The following SEMA5A variants were observed in gnomAD, a reference collection of about 807,000 sequenced individuals.
The protein encoded by SEMA5A is semaphorin-5A.
In SEMA5A, 55 loss-of-function variants were observed where a neutral mutation model predicts 135.5. The observed-to-expected ratio is 0.41, with a 90% CI of 0.33 to 0.51. The LOEUF (loss-of-function observed/expected upper bound fraction) is 0.51. SEMA5A is among the 20% of genes least tolerant of loss of function. The pLI, the probability that SEMA5A is intolerant of heterozygous loss-of-function variation, is 0.37. For synonymous variants in SEMA5A, 580 were observed against 546.5 expected (o/e 1.06, Z -0.85); for missense variants, 1,290 against 1,419.9 (o/e 0.91, Z 1.47).
intron 2 of SEMA5A, among the ~76,000 whole-genome samples, chr5:9,418,930 T>TC (rs1158250380): frequency 6.6e-6 from 1 of 152,236 alleles, no homozygotes; most frequent in Admixed American, 6.5e-5. Flanking sequence ...CTTTCCTAGT[T>TC]CCTTTAGGTA....
At chr5:9,125,258 T>C (rs952284480) in intron 13 of SEMA5A, among the ~76,000 whole-genome samples, 10 of 152,218 alleles carry the variant, frequency 6.6e-5, no homozygotes, top group Non-Finnish European at 1.5e-4. Context: ...CTTCCATACC[T>C]GGCTATCTAT....
At chr5:9,335,163 A>G (rs1011724918) in intron 4 of SEMA5A, among the ~76,000 whole-genome samples, 2 of 152,110 alleles carry the variant, frequency 1.3e-5, no homozygotes, top group Admixed American at 6.5e-5. Flanking sequence ...AAACTAGAAG[A>G]CACAGAGATA....
chr5:9,113,017 C>T (rs1053657192), intron 15 of SEMA5A, among the ~76,000 whole-genome samples: 1 of 152,304 alleles, frequency 6.6e-6, no homozygotes, highest in Admixed American at 6.5e-5. Context: ...GAAATGAAGG[C>T]TGCCAACAAC....
At chr5:9,333,546 T>G (rs1236338136) in intron 4 of SEMA5A, among the ~76,000 whole-genome samples, 1 of 152,262 alleles carries the variant, frequency 6.6e-6, no homozygotes, top group Non-Finnish European at 1.5e-5. Context: ...TTGTATCTGT[T>G]GCAACAATTC....
At chr5:9,044,241 G>T in intron 22 of SEMA5A, 132 bp downstream of exon 22, 1 of 761,278 alleles carries the variant, frequency 1.3e-6, no homozygotes, top group Non-Finnish European at 2.2e-6. Flanking sequence ...GACTAAAGAT[G>T]TTTCTTATTC....
At chr5:9,536,608 G>A (rs268554) in intron 1 of SEMA5A, among the ~76,000 whole-genome samples, 21,942 of 136,180 alleles carry the variant, frequency 0.16, 1,685 homozygotes, top group Middle Eastern at 0.24. Flanking sequence ...ACAAGACTCC[G>A]TCTCAAAAAA....
At chr5:9,107,291 GA>G (rs1039071135) in intron 16 of SEMA5A, among the ~76,000 whole-genome samples, 1 of 151,904 alleles carries the variant, frequency 6.6e-6, no homozygotes, top group African/African-American at 2.4e-5. Flanking sequence ...CAAGTCTTTT[GA>G]AAAGAGCTTG....
chr5:9,151,233 T>C (rs887843000), intron 12 of SEMA5A, among the ~76,000 whole-genome samples: 5 of 152,210 alleles, frequency 3.3e-5, no homozygotes, highest in African/African-American at 4.8e-5. Context: ...ATAAATGTCA[T>C]TGTGCATTGT....
chr5:9,229,474 T>C (rs1003268513), intron 6 of SEMA5A, among the ~76,000 whole-genome samples: 13 of 151,976 alleles, frequency 8.6e-5, no homozygotes, highest in Admixed American at 5.2e-4. Flanking sequence ...CGGGAGCCTA[T>C]AAAGGCAGGC....
At chr5:9,083,416 T>C (rs1119087) in intron 16 of SEMA5A, among the ~76,000 whole-genome samples, 7,247 of 152,296 alleles carry the variant, frequency 0.048, 579 homozygotes, top group African/African-American at 0.17. Context: ...AGATTCTTAT[T>C]ACTGCATGAA....
At chr5:9,298,307 T>C (rs944053355) in intron 5 of SEMA5A, among the ~76,000 whole-genome samples, 3 of 152,100 alleles carry the variant, frequency 2.0e-5, no homozygotes, top group Non-Finnish European at 4.4e-5. Context: ...AAGCTGAGAA[T>C]GCCAAGGATT....
chr5:9,249,775 G>A (rs1748677791), intron 5 of SEMA5A, among the ~76,000 whole-genome samples: 1 of 152,176 alleles, frequency 6.6e-6, no homozygotes, highest in South Asian at 2.1e-4. Flanking sequence ...CAAGGCTTGA[G>A]CTGGATCTTG....
In SEMA5A at chr5:9,119,065, G is replaced by A; in HGVS notation, c.1858C>T (p.Arg620Cys). Residue 620 changes from arginine (R) to cysteine (C), a missense_variant, in exon 15 of 23, where the codon CGC (arginine) becomes TGC (cysteine). Physicochemically the swap from Arg to Cys is radical, Grantham distance 180. Transcript: ENST00000382496. Reference sequence around the variant, plus strand: ...CTGGGAGTGGGGTTGCTGCAGGAGCGCTGCCGCACCTGGAAGCCGATCCCA... The same window carrying A: ...CTGGGAGTGGGGTTGCTGCAGGAGCACTGCCGCACCTGGAAGCCGATCCCA... ...TCGIGFQVRQ[R>C]SCSNPTPRHG... 6.2e-7 allele frequency: 1 copy of A among 1,613,560 alleles called. No individual in the cohort carries two copies. The highest frequency in any genetic ancestry group is 8.5e-7 in the Non-Finnish European group (1 of 1,179,892).
At chr5:9,311,364 G>GA (rs1476239190) in intron 5 of SEMA5A, among the ~76,000 whole-genome samples, 1 of 151,938 alleles carries the variant, frequency 6.6e-6, no homozygotes, top group Non-Finnish European at 1.5e-5. Context: ...AGATATACAG[G>GA]AAAGAAGTTA....
chr5:9,485,149 G>A (rs1288883637), intron 1 of SEMA5A, among the ~76,000 whole-genome samples: 1 of 151,992 alleles, frequency 6.6e-6, no homozygotes, highest in East Asian at 1.9e-4. Context: ...CTACCCAGGG[G>A]AAACATGTGT....
intron 3 of SEMA5A, among the ~76,000 whole-genome samples, chr5:9,369,792 A>AGCC (rs1755062046): frequency 6.6e-6 from 1 of 152,034 alleles, no homozygotes; most frequent in Non-Finnish European, 1.5e-5. Context: ...AAAAAAAAAA[A>AGCC]ATGGCAGTGC....
At chr5:9,484,119 T>C (rs1412457358) in intron 1 of SEMA5A, among the ~76,000 whole-genome samples, 1 of 152,234 alleles carries the variant, frequency 6.6e-6, no homozygotes, top group African/African-American at 2.4e-5. Flanking sequence ...GCCACAGATT[T>C]TTCAGAGGAA....
At chr5:9,252,012 G>T (rs1288168777) in intron 5 of SEMA5A, among the ~76,000 whole-genome samples, 1 of 152,102 alleles carries the variant, frequency 6.6e-6, no homozygotes, top group South Asian at 2.1e-4. Context: ...CTGGCTCCAG[G>T]GTCCACAATC....
chr5:9,146,259 C>T (rs1363421342), intron 12 of SEMA5A, among the ~76,000 whole-genome samples: 1 of 152,154 alleles, frequency 6.6e-6, no homozygotes, highest in Non-Finnish European at 1.5e-5. Context: ...TTTGTTAGTG[C>T]CAGCACCAAC....
Sources: gnomAD v4.1 joint callset for allele counts (sites outside exome capture counted in the v4.1 genomes callset) on GRCh38, gnomAD v4.1.1 for gene constraint, MANE v1.5 for transcripts, NCBI Gene and HGNC (gene_info 2026-07-23, HGNC 2026-07-21) for gene names.